Variants in HS6ST3 observed in about 807,000 individuals in gnomAD.
The protein encoded by HS6ST3 is heparan sulfate 6-O-sulfotransferase 3.
In HS6ST3, 12 loss-of-function variants were observed where a neutral mutation model predicts 36.7. The observed-to-expected ratio is 0.33, with a 90% CI of 0.21 to 0.53. The LOEUF (loss-of-function observed/expected upper bound fraction) is 0.53, where lower values mean the gene tolerates loss of function less well. Ranked by LOEUF, HS6ST3 falls within the 20% of genes least tolerant of loss-of-function variation. HS6ST3 has a pLI of 0.95. For synonymous variants in HS6ST3, 240 were observed against 257.5 expected, an observed-to-expected ratio of 0.93 and a Z score of 0.65; for missense variants, 584 against 640.9, an observed-to-expected ratio of 0.91 and a Z score of 0.96.
chr13:96,783,087 A>G (rs1238215860), intron 1 of HS6ST3, among the ~76,000 whole-genome samples: 1 of 152,218 alleles, frequency 6.6e-6, no homozygotes, highest in African/African-American at 2.4e-5. Flanking sequence ...TGTTCAAGGA[A>G]CAAAGAGTCT....
chr13:96,142,314 T>A (rs1594692235), intron 1 of HS6ST3, among the ~76,000 whole-genome samples: 1 of 152,350 alleles, frequency 6.6e-6, no homozygotes, highest in East Asian at 1.9e-4. Flanking sequence ...ACATTTTTTC[T>A]CACTTATTTT....
At chr13:96,701,179 T>C (rs1259617134) in intron 1 of HS6ST3, among the ~76,000 whole-genome samples, 3 of 152,232 alleles carry the variant, frequency 2.0e-5, no homozygotes, top group African/African-American at 7.2e-5. Context: ...AAAGAAGTAC[T>C]ATACTTACCA....
At chr13:96,411,375 T>C (rs2055506528) in intron 1 of HS6ST3, among the ~76,000 whole-genome samples, 1 of 152,092 alleles carries the variant, frequency 6.6e-6, no homozygotes, top group East Asian at 1.9e-4. Flanking sequence ...ATTTTGGGGC[T>C]TACATAGGCT....
At chr13:96,429,405 A>C (rs985117780) in intron 1 of HS6ST3, among the ~76,000 whole-genome samples, 20 of 152,246 alleles carry the variant, frequency 1.3e-4, no homozygotes, top group Non-Finnish European at 1.8e-4. Context: ...CAAAGAACTT[A>C]GCCCTCGTGA....
At chr13:96,685,064 G>A (rs1037384077) in intron 1 of HS6ST3, among the ~76,000 whole-genome samples, 3 of 152,052 alleles carry the variant, frequency 2.0e-5, no homozygotes, top group African/African-American at 7.2e-5. Context: ...TCAGAACACA[G>A]CAAACAGAAG....
At chr13:96,108,062 C>T (rs562879) in intron 1 of HS6ST3, among the ~76,000 whole-genome samples, 124,663 of 152,240 alleles carry the variant, frequency 0.82, 51,429 homozygotes, top group East Asian at 0.91. Flanking sequence ...GCCTGGGAGC[C>T]GGGCAGGACA....
chr13:96,354,118 T>C (rs1341256853), intron 1 of HS6ST3, among the ~76,000 whole-genome samples: 1 of 152,124 alleles, frequency 6.6e-6, no homozygotes, highest in Non-Finnish European at 1.5e-5. Flanking sequence ...TAACTGAAAA[T>C]TGTCAACCAT....
intron 1 of HS6ST3, among the ~76,000 whole-genome samples, chr13:96,619,106 T>G (rs574951684): frequency 1.3e-5 from 2 of 152,228 alleles, no homozygotes; most frequent in East Asian, 1.9e-4. Flanking sequence ...TTCTTTGCCC[T>G]CTCTTTGACA....
intron 1 of HS6ST3, among the ~76,000 whole-genome samples, chr13:96,419,507 GGATA>G (rs1300844163): frequency 4.6e-5 from 7 of 152,186 alleles, no homozygotes; most frequent in African/African-American, 7.2e-5. Context: ...ATAGATGGAT[GGATA>G]GATAGAGAGG....
chr13:96,430,446 C>A (rs565021351), intron 1 of HS6ST3, among the ~76,000 whole-genome samples: 56 of 152,200 alleles, frequency 3.7e-4, no homozygotes, highest in Non-Finnish European at 6.9e-4. Context: ...TGATGCTACC[C>A]TGGGCACTGT....
intron 1 of HS6ST3, among the ~76,000 whole-genome samples, chr13:96,165,597 G>T (rs531107674): frequency 6.6e-6 from 1 of 152,172 alleles, no homozygotes; most frequent in Non-Finnish European, 1.5e-5. Context: ...GTGCAAATGG[G>T]TCAGCTGTGG....
At chr13:96,547,296 A>G (rs950747320) in intron 1 of HS6ST3, among the ~76,000 whole-genome samples, 3 of 152,128 alleles carry the variant, frequency 2.0e-5, no homozygotes, top group African/African-American at 7.2e-5. Flanking sequence ...CAGGACATCA[A>G]CTTGGTACCA....
chr13:96,732,277 G>A (rs1320710633), intron 1 of HS6ST3, among the ~76,000 whole-genome samples: 2 of 152,236 alleles, frequency 1.3e-5, no homozygotes, highest in East Asian at 3.9e-4. Flanking sequence ...AGTTGTTTGA[G>A]TTGTTTATGT....
At position 96,216,063 on chromosome 13, in the gene HS6ST3, T is replaced by A. The variant is rs1594719495; in HGVS notation, c.707+124494T>A. 4.6e-5 allele frequency among the ~76,000 whole-genome samples: 7 copies of A among 152,182 alleles called. No individual in the cohort carries two copies. The South Asian group carries it at 1.5e-3, about 32-fold the overall frequency. On this transcript the variant is annotated intron_variant, in intron 1 of 1. Coordinates refer to ENST00000376705, the MANE Select transcript of HS6ST3 (RefSeq NM_153456.4). Reference sequence around the variant, plus strand: ...TGCTTCCTGGGTAAACATGGATAAGTTCTTTAACATCTGTGTTTCTCAGTT... The same window carrying A: ...TGCTTCCTGGGTAAACATGGATAAGATCTTTAACATCTGTGTTTCTCAGTT...
At chr13:96,468,596 C>T (rs532966437) in intron 1 of HS6ST3, among the ~76,000 whole-genome samples, 39 of 151,996 alleles carry the variant, frequency 2.6e-4, no homozygotes, top group South Asian at 4.2e-4. Context: ...TGTTGCAGGG[C>T]TGTGGTTGAA....
chr13:96,580,824 A>G (rs2056339380), intron 1 of HS6ST3, among the ~76,000 whole-genome samples: 1 of 152,196 alleles, frequency 6.6e-6, no homozygotes, highest in East Asian at 1.9e-4. Flanking sequence ...ACAAACCCAC[A>G]GAATGCTTTA....
chr13:96,582,342 G>A (rs140939137), intron 1 of HS6ST3, among the ~76,000 whole-genome samples: 120 of 152,300 alleles, frequency 7.9e-4, no homozygotes, highest in African/African-American at 2.5e-3. Context: ...CTACACAAAA[G>A]TGGATCTGTG....
intron 1 of HS6ST3, among the ~76,000 whole-genome samples, chr13:96,400,282 C>T (rs1372655205): frequency 6.8e-6 from 1 of 147,990 alleles, no homozygotes; most frequent in Non-Finnish European, 1.5e-5. Flanking sequence ...CACAGACACA[C>T]ATATAGACAC....
At chr13:96,759,798 T>C (rs575157672) in intron 1 of HS6ST3, among the ~76,000 whole-genome samples, 6 of 152,166 alleles carry the variant, frequency 3.9e-5, no homozygotes, top group Admixed American at 2.6e-4. Flanking sequence ...TCAGAGAAGA[T>C]CTGAATGCAT....
Sources: gnomAD v4.1 joint callset for allele counts (sites outside exome capture counted in the v4.1 genomes callset) on GRCh38, gnomAD v4.1.1 for gene constraint, MANE v1.5 for transcripts, NCBI Gene and HGNC (gene_info 2026-07-23, HGNC 2026-07-21) for gene names.